HDAC4: variants seen among roughly 807,000 people sequenced by gnomAD.
HDAC4 encodes histone deacetylase A.
A neutral mutation model predicts 135.1 loss-of-function variants in HDAC4; 16 were observed. The observed-to-expected ratio is 0.12, with a 90% CI of 0.08 to 0.18. The LOEUF (loss-of-function observed/expected upper bound fraction) is 0.18. Ranked by LOEUF, HDAC4 falls within the 10% of genes least tolerant of loss-of-function variation. The pLI is 1.00. For missense variants in HDAC4, 1,143 were observed against 1,511.8 expected, an observed-to-expected ratio of 0.76 and a Z score of 4.05; for synonymous variants, 685 against 653.4, an observed-to-expected ratio of 1.05 and a Z score of -0.74.
chr2:239,363,971 C>T (rs947961869), intron 1 of HDAC4, among the ~76,000 whole-genome samples: 4 of 152,190 alleles, frequency 2.6e-5, no homozygotes, highest in Non-Finnish European at 2.9e-5. Context: ...ACACAAGGTC[C>T]TGCGCATGTG....
At chr2:239,392,665 T>C (rs933947762) in intron 1 of HDAC4, among the ~76,000 whole-genome samples, 5 of 152,132 alleles carry the variant, frequency 3.3e-5, no homozygotes, top group Non-Finnish European at 2.9e-5. Flanking sequence ...TAGAACACTC[T>C]AACCCCTGAG....
intron 2 of HDAC4, among the ~76,000 whole-genome samples, chr2:239,261,933 T>G (rs901285540): frequency 6.6e-6 from 1 of 152,212 alleles, no homozygotes; most frequent in African/African-American, 2.4e-5. Context: ...CGGAGGGTCC[T>G]CGGGTTGCCT....
chr2:239,186,267 C>A (rs184293357), intron 4 of HDAC4, among the ~76,000 whole-genome samples: 3 of 152,278 alleles, frequency 2.0e-5, no homozygotes, highest in Admixed American at 6.5e-5. Flanking sequence ...AAATGACTCC[C>A]TTTTCAATTA....
Position 239,115,386 on chromosome 2 carries a change from CA to C in HDAC4, c.1534-77del. ...TCATCTGACAGGAGAAGGGATGCTGCAAACCCCACCCTCTGGGGCAGACAAT... is the reference window on the plus strand; with the variant it reads ...TCATCTGACAGGAGAAGGGATGCTGCAACCCCACCCTCTGGGGCAGACAAT... On this transcript the variant is annotated intron_variant, in intron 12 of 26. Transcript: ENST00000543185. This position sits in a 1 kb window ranked among gnomAD's most constrained non-coding sequence, Gnocchi z 6.3. 3 of 1,573,958 alleles carry C rather than the reference CA, an allele frequency of 1.9e-6. No individual in the cohort carries two copies. In the Admixed American group the frequency reaches 5.0e-5, roughly 26 times the overall value.
chr2:239,378,471 C>A (rs1377030020), intron 1 of HDAC4, among the ~76,000 whole-genome samples: 4 of 152,164 alleles, frequency 2.6e-5, no homozygotes, highest in Non-Finnish European at 5.9e-5. Context: ...TGAACGTGCA[C>A]CACCCAGATG....
intron 3 of HDAC4, among the ~76,000 whole-genome samples, chr2:239,227,377 T>C (rs988280426): frequency 1.3e-5 from 2 of 152,118 alleles, no homozygotes; most frequent in African/African-American, 4.8e-5. Context: ...CAGGCAGCAT[T>C]GGGCCCTCCC....
At chr2:239,180,643 T>A (rs915827847) in intron 4 of HDAC4, among the ~76,000 whole-genome samples, 3 of 152,234 alleles carry the variant, frequency 2.0e-5, no homozygotes, top group African/African-American at 4.8e-5. Context: ...GAGACAGGCA[T>A]TGGCCAACCA....
In HDAC4 at chr2:239,176,560, G is replaced by T. The variant is rs1336000993; in HGVS notation, c.343C>A (p.Gln115Lys). Reference protein sequence around the residue: ...EAQLHEHIKQQQEMLAMKHQQ... With the variant: ...EAQLHEHIKQKQEMLAMKHQQ... ...TGCTTCATGGCCAGCATCTCCTGTT[G>T]TTGCTGCAAGTGGAAGGAGGAGACA... Residue 115 changes from glutamine (Q) to lysine (K), a missense_variant, in exon 5 of 27, where the codon CAA becomes AAA. Gln to Lys is a moderately conservative substitution (Grantham distance 53). Transcript: ENST00000543185. 2 of 1,612,810 alleles carry T rather than the reference G, an allele frequency of 1.2e-6. No individual in the cohort carries two copies. Among genetic ancestry groups the T allele is most frequent in the African/African-American group, 1.3e-5 (1 of 75,012 alleles).
chr2:239,197,111 C>T (rs2045441260), intron 3 of HDAC4, among the ~76,000 whole-genome samples: 1 of 152,208 alleles, frequency 6.6e-6, no homozygotes. Context: ...CTCTGCAGAA[C>T]TCAGGCTCCA....
At chr2:239,344,709 T>C (rs1319703034) in intron 2 of HDAC4, among the ~76,000 whole-genome samples, 1 of 152,172 alleles carries the variant, frequency 6.6e-6, no homozygotes, top group East Asian at 1.9e-4. Context: ...AGACAGGCGG[T>C]GCTGTGCGTC....
intron 2 of HDAC4, among the ~76,000 whole-genome samples, chr2:239,271,403 G>A (rs1007089765): frequency 6.6e-6 from 1 of 152,244 alleles, no homozygotes; most frequent in African/African-American, 2.4e-5. Flanking sequence ...TGGGATTACA[G>A]GTGTGAGCCA....
intron 2 of HDAC4, among the ~76,000 whole-genome samples, chr2:239,311,927 G>A (rs1246264384): frequency 6.6e-6 from 1 of 152,124 alleles, no homozygotes; most frequent in Non-Finnish European, 1.5e-5. Flanking sequence ...AGCTCAGAAC[G>A]GGTTCCTCTA....
At chr2:239,317,755 G>A (rs1282360802) in intron 2 of HDAC4, among the ~76,000 whole-genome samples, 1 of 152,158 alleles carries the variant, frequency 6.6e-6, no homozygotes, top group Admixed American at 6.5e-5. Context: ...ACAGGTTCTT[G>A]GAAACCGCAA....
At chr2:239,364,093 C>G (rs978032599) in intron 1 of HDAC4, among the ~76,000 whole-genome samples, 2 of 152,152 alleles carry the variant, frequency 1.3e-5, no homozygotes, top group Non-Finnish European at 2.9e-5. Flanking sequence ...GGTTGGCCGG[C>G]ACTCACACAC....
At chr2:239,071,889 C>T (rs1204847638) in intron 22 of HDAC4, among the ~76,000 whole-genome samples, 1 of 152,162 alleles carries the variant, frequency 6.6e-6, no homozygotes, top group Non-Finnish European at 1.5e-5. Context: ...ACTGTTGCTT[C>T]TGCTGTTAAT....
At chr2:239,252,527 A>C (rs1172567331) in intron 2 of HDAC4, among the ~76,000 whole-genome samples, 1 of 152,230 alleles carries the variant, frequency 6.6e-6, no homozygotes, top group Non-Finnish European at 1.5e-5. Context: ...AGAAAGTTAA[A>C]GAGAAAAATC....
chr2:239,253,705 G>C (rs1374316526), intron 2 of HDAC4, among the ~76,000 whole-genome samples: 2 of 152,194 alleles, frequency 1.3e-5, no homozygotes, highest in Non-Finnish European at 2.9e-5. Context: ...TAATATTGTA[G>C]GCAGAGTTGA....
At position 239,049,605 on chromosome 2, in the gene HDAC4, CAA is replaced by C. The variant is rs1462554531; in HGVS notation, c.*3490_*3491del. 6.6e-6 allele frequency: 1 copy of C among 152,566 alleles called. No individual in the cohort carries two copies. Among genetic ancestry groups the C allele is most frequent in the East Asian group, 1.9e-4 (1 of 5,202 alleles). The allele number at this position is 152,566 out of a possible 1,614,324, so 9.5% of individuals were successfully genotyped here. ...ATGTTCTGATCAAAAAGAAAAACAA[CAA>C]AGTCCATTGCTAGTGCTGCAAAAAT... On this transcript the variant is annotated 3_prime_UTR_variant, in exon 27 of 27. Transcript: ENST00000543185.
At chr2:239,398,350 C>A (rs1179247310) in intron 1 of HDAC4, among the ~76,000 whole-genome samples, 1 of 152,204 alleles carries the variant, frequency 6.6e-6, no homozygotes, top group Non-Finnish European at 1.5e-5. Flanking sequence ...GTGCCACCCC[C>A]AACATTAAAG....
Sources: gnomAD v4.1 joint callset for allele counts (sites outside exome capture counted in the v4.1 genomes callset) on GRCh38, gnomAD v4.1.1 for gene constraint, Gnocchi (gnomAD v3.1) non-coding constraint, MANE v1.5 for transcripts, NCBI Gene and HGNC (gene_info 2026-07-23, HGNC 2026-07-21) for gene names.